The following CDH8 variants were observed in gnomAD, a reference collection of about 807,000 sequenced individuals.
CDH8 encodes cadherin-8.
In CDH8, 17 loss-of-function variants were observed where a neutral mutation model predicts 68.1. That is an observed-to-expected ratio of 0.25 (90% CI 0.17 to 0.37). The LOEUF is 0.37. Among genes scored for constraint, CDH8 ranks in the 10% least tolerant of loss-of-function variants. CDH8 has a pLI of 1.00. For missense variants in CDH8, 763 were observed against 999.3 expected, an observed-to-expected ratio of 0.76 and a Z score of 3.19; for synonymous variants, 372 against 365.1, an observed-to-expected ratio of 1.02 and a Z score of -0.21.
chr16:61,977,448 T>G (rs1464812302), intron 2 of CDH8, among the ~76,000 whole-genome samples: 1 of 152,160 alleles, frequency 6.6e-6, no homozygotes, highest in African/African-American at 2.4e-5. Flanking sequence ...TTTCTCCCCA[T>G]GATTTGTGTG....
intron 4 of CDH8, among the ~76,000 whole-genome samples, chr16:61,833,599 C>G (rs2143005264): frequency 6.6e-6 from 1 of 151,992 alleles, no homozygotes; most frequent in African/African-American, 2.4e-5. Flanking sequence ...TGATTTTTCT[C>G]TTATTCAAAT....
chr16:61,965,954 C>T (rs913495026), intron 2 of CDH8, among the ~76,000 whole-genome samples: 2 of 152,126 alleles, frequency 1.3e-5, no homozygotes, highest in African/African-American at 4.8e-5. Context: ...TCTGGTAACA[C>T]CTTATGCCTT....
At chr16:61,887,022 T>C (rs1342302781) in intron 3 of CDH8, among the ~76,000 whole-genome samples, 1 of 152,216 alleles carries the variant, frequency 6.6e-6, no homozygotes, top group Admixed American at 6.5e-5. Flanking sequence ...GGTTAGAGGG[T>C]TGATGACTAC....
At chr16:61,803,447 A>T (rs1961709512) in intron 7 of CDH8, among the ~76,000 whole-genome samples, 2 of 144,940 alleles carry the variant, frequency 1.4e-5, no homozygotes, top group South Asian at 4.5e-4. Flanking sequence ...TAATGACAGG[A>T]TCAAATTCAC....
At chr16:61,748,394 C>G (rs1960078651) in intron 8 of CDH8, among the ~76,000 whole-genome samples, 1 of 151,932 alleles carries the variant, frequency 6.6e-6, no homozygotes, top group Non-Finnish European at 1.5e-5. Context: ...TTCCAACATC[C>G]ATTCATTAAA....
In CDH8 at chr16:61,652,591, A is replaced by G. The variant is rs919263570; in HGVS notation, c.*1017T>C. ...TCCTTTCGATAATATTGCCTGCCAT[A>G]CTCATCTCATCAAAATGTACATGTA... On this transcript the variant is annotated 3_prime_UTR_variant, in exon 12 of 12. Coordinates refer to ENST00000577390, the MANE Select transcript of CDH8 (RefSeq NM_001796.5). 6.9e-6 allele frequency: 7 copies of G among 1,008,814 alleles called. No homozygotes were observed. Among genetic ancestry groups the G allele is most frequent in the Non-Finnish European group, 8.5e-6 (7 of 819,266 alleles). 62.5% of individuals were successfully genotyped at this position (1,008,814 alleles called of 1,614,324 possible). A position where few individuals can be genotyped will look rare whatever the true frequency, so the allele number is the denominator to read the frequency against.
chr16:61,983,550 C>G (rs1965573759), intron 2 of CDH8, among the ~76,000 whole-genome samples: 1 of 152,158 alleles, frequency 6.6e-6, no homozygotes, highest in South Asian at 2.1e-4. Flanking sequence ...TTAATTAGTT[C>G]ACACACTACC....
chr16:61,926,617 T>C (rs1245560157), intron 2 of CDH8, among the ~76,000 whole-genome samples: 2 of 152,184 alleles, frequency 1.3e-5, no homozygotes, highest in Admixed American at 6.5e-5. Context: ...ATTTAAGCAA[T>C]TGTTGTCTGT....
chr16:61,949,141 C>T (rs533888965), intron 2 of CDH8, among the ~76,000 whole-genome samples: 19 of 152,244 alleles, frequency 1.2e-4, no homozygotes, highest in Admixed American at 3.3e-4. Flanking sequence ...TTGTCGCAGC[C>T]GCCAGACTAA....
At chr16:61,782,754 AC>A (rs991250555) in intron 8 of CDH8, among the ~76,000 whole-genome samples, 1 of 152,172 alleles carries the variant, frequency 6.6e-6, no homozygotes, top group African/African-American at 2.4e-5. Flanking sequence ...GAACGGGCAG[AC>A]TGCCTCCTCA....
chr16:61,770,637 T>G (rs758941225), intron 8 of CDH8, among the ~76,000 whole-genome samples: 1 of 151,970 alleles, frequency 6.6e-6, no homozygotes, highest in African/African-American at 2.4e-5. Flanking sequence ...CCACTAACAT[T>G]CTTGCTTTCC....
chr16:61,697,374 T>C (rs1028237049), intron 10 of CDH8, among the ~76,000 whole-genome samples: 2 of 152,096 alleles, frequency 1.3e-5, no homozygotes, highest in African/African-American at 4.8e-5. Context: ...GGTCACATGT[T>C]CACCACCGAG....
intron 10 of CDH8, among the ~76,000 whole-genome samples, chr16:61,666,539 C>T (rs1567411191): frequency 6.6e-6 from 1 of 151,824 alleles, no homozygotes; most frequent in Non-Finnish European, 1.5e-5. Flanking sequence ...CTTTTAGATG[C>T]AAACAAGAAG....
chr16:61,846,497 T>C (rs1487988401), intron 4 of CDH8, among the ~76,000 whole-genome samples: 1 of 152,096 alleles, frequency 6.6e-6, no homozygotes, highest in Non-Finnish European at 1.5e-5. Flanking sequence ...AATGAGAGCA[T>C]CAAGGTGTTT....
chr16:61,850,386 C>A (rs1310076248), intron 4 of CDH8, among the ~76,000 whole-genome samples: 1 of 151,906 alleles, frequency 6.6e-6, no homozygotes, highest in African/African-American at 2.4e-5. Flanking sequence ...TCTCACTAGG[C>A]CTCACTTCCA....
At chr16:61,745,806 AT>A (rs1446673808) in intron 8 of CDH8, among the ~76,000 whole-genome samples, 1 of 151,976 alleles carries the variant, frequency 6.6e-6, no homozygotes, top group East Asian at 1.9e-4. Context: ...AAATTTGAAT[AT>A]ATGCATCATT....
chr16:61,733,653 G>T (rs552758324), intron 8 of CDH8, among the ~76,000 whole-genome samples: 2 of 151,666 alleles, frequency 1.3e-5, no homozygotes, highest in African/African-American at 2.4e-5. Flanking sequence ...ATGTTCCTTG[G>T]TCTTGCTTTT....
At chr16:61,685,988 G>A (rs1008976690) in intron 10 of CDH8, among the ~76,000 whole-genome samples, 5 of 151,934 alleles carry the variant, frequency 3.3e-5, no homozygotes, top group African/African-American at 1.2e-4. Context: ...TAGCACTGAG[G>A]CTGTATTCAG....
At chr16:61,768,379 T>TCTCC (rs1960679110) in intron 8 of CDH8, among the ~76,000 whole-genome samples, 1 of 100,780 alleles carries the variant, frequency 9.9e-6, no homozygotes, top group Non-Finnish European at 1.9e-5. Context: ...CCTTTCTCTC[T>TCTCC]CTCTCTCTCT....
Sources: gnomAD v4.1 joint callset for allele counts (sites outside exome capture counted in the v4.1 genomes callset) on GRCh38, gnomAD v4.1.1 for gene constraint, MANE v1.5 for transcripts, NCBI Gene and HGNC (gene_info 2026-07-23, HGNC 2026-07-21) for gene names.